ADCY10: variants seen among roughly 807,000 people sequenced by gnomAD.
The protein encoded by ADCY10 is adenylate cyclase 10.
A neutral mutation model predicts 183.3 loss-of-function variants in ADCY10; 156 were observed. The ratio of observed to expected loss-of-function variants is 0.85; its 90% confidence interval spans 0.75 to 0.97. The LOEUF is 0.97. Among genes scored for constraint, ADCY10 ranks in the 50% least tolerant of loss-of-function variants. The pLI is 0.00. For missense variants in ADCY10, 1,745 were observed against 1,934.3 expected, an observed-to-expected ratio of 0.90 and a Z score of 1.84; for synonymous variants, 645 against 670.0, an observed-to-expected ratio of 0.96 and a Z score of 0.58.
intron 7 of ADCY10, among the ~76,000 whole-genome samples, chr1:167,896,173 T>G (rs1235757992): frequency 6.6e-6 from 1 of 152,052 alleles, no homozygotes; most frequent in Non-Finnish European, 1.5e-5. Context: ...GAAGAGCAGG[T>G]GAGCACAGAC....
rs748872658 is a variant in ADCY10 at position 167,893,695 on chromosome 1, C to CAA, written c.828+156_828+157dup. Among the ~76,000 whole-genome samples, 277 of 70,052 alleles carry CAA rather than the reference C, an allele frequency of 4.0e-3. 5 individuals are homozygous for CAA. In the East Asian group the frequency reaches 0.042, roughly 11 times the overall value. 46.0% of individuals were successfully genotyped at this position (70,052 alleles called of 152,430 possible). On this transcript the variant is annotated intron_variant, in intron 8 of 32. Transcript: ENST00000367851. ...TGGGTGACAGAGTGAGACTCTGTCT[C>CAA]AAAAAAAAAAAAAAAAAAAAAAAAG... is the stretch of plus-strand genomic sequence containing the variant.
intron 14 of ADCY10, among the ~76,000 whole-genome samples, chr1:167,866,427 A>G (rs1004387189): frequency 2.7e-5 from 4 of 150,324 alleles, no homozygotes; most frequent in African/African-American, 9.8e-5. Flanking sequence ...AATTATATCT[A>G]TTACAAACAA....
chr1:167,813,680 A>G (rs1162792560), intron 31 of ADCY10, among the ~76,000 whole-genome samples: 1 of 152,222 alleles, frequency 6.6e-6, no homozygotes, highest in African/African-American at 2.4e-5. Context: ...TTTGTTTTCT[A>G]CGTTTTTAAG....
intron 14 of ADCY10, among the ~76,000 whole-genome samples, chr1:167,861,401 C>T (rs1666279303): frequency 1.3e-5 from 2 of 152,234 alleles, no homozygotes; most frequent in Admixed American, 6.5e-5. Context: ...CTTTATGTGA[C>T]ACACAAGACT....
At chr1:167,840,881 G>A (rs1571270343) in intron 21 of ADCY10, among the ~76,000 whole-genome samples, 1 of 151,920 alleles carries the variant, frequency 6.6e-6, no homozygotes, top group Admixed American at 6.6e-5. Flanking sequence ...TACCTCTTGG[G>A]TTTATCTTCT....
intron 5 of ADCY10, among the ~76,000 whole-genome samples, chr1:167,900,091 C>T (rs111847359): frequency 4.6e-5 from 7 of 152,362 alleles, no homozygotes; most frequent in African/African-American, 1.7e-4. Flanking sequence ...CCCATCCCAA[C>T]AACCATTTCT....
At chr1:167,865,864 C>T (rs1049606122) in intron 14 of ADCY10, among the ~76,000 whole-genome samples, 1 of 152,174 alleles carries the variant, frequency 6.6e-6, no homozygotes, top group Admixed American at 6.5e-5. Flanking sequence ...GTCCACCAGG[C>T]GTGGGCTGCA....
In ADCY10 at chr1:167,818,115, T is replaced by G. The variant is rs766593403; in HGVS notation, c.4439A>C (p.Glu1480Ala). 6.2e-7 allele frequency: 1 copy of G among 1,614,206 alleles called. No homozygotes were observed. The highest frequency in any genetic ancestry group is 1.3e-5 in the African/African-American group (1 of 75,060). ...ACTGGCTTGGGCATTCTCTGACTGT[T>G]CTTTGATTTGTTTTTGAAGGTGAAG... ...QVLHLQKQIK[E>A]QSENAQASGE... The change falls in exon 31 of 33, where the codon GAA becomes GCA. Residue 1480 changes from glutamate to alanine, a missense_variant. Glu to Ala is a moderately radical substitution (Grantham distance 107, BLOSUM62 -1). Transcript: ENST00000367851.
At chr1:167,825,937 T>C (rs1360668358) in intron 26 of ADCY10, among the ~76,000 whole-genome samples, 1 of 152,194 alleles carries the variant, frequency 6.6e-6, no homozygotes, top group Non-Finnish European at 1.5e-5. Flanking sequence ...GCAGTTTTAT[T>C]ATATATACAA....
intron 31 of ADCY10, among the ~76,000 whole-genome samples, chr1:167,817,837 GCA>G (rs1429028905): frequency 1.3e-5 from 2 of 152,140 alleles, no homozygotes; most frequent in Admixed American, 1.3e-4. Context: ...AAATGTGCAT[GCA>G]CACACACAGA....
intron 21 of ADCY10, among the ~76,000 whole-genome samples, chr1:167,842,954 C>A (rs577220661): frequency 6.6e-6 from 1 of 152,218 alleles, no homozygotes; most frequent in South Asian, 2.1e-4. Context: ...GTGGGACGGT[C>A]GGCCATGGGA....
intron 6 of ADCY10, among the ~76,000 whole-genome samples, chr1:167,898,739 G>C (rs1230346920): frequency 6.6e-6 from 1 of 152,152 alleles, no homozygotes; most frequent in African/African-American, 2.4e-5. Flanking sequence ...TGATGCATGA[G>C]TGTGGGAGTG....
Position 167,901,768 on chromosome 1 carries a change from C to A in ADCY10, c.330G>T (p.Lys110Asn). 1 of 1,614,184 alleles carries A rather than the reference C, an allele frequency of 6.2e-7. No homozygotes were observed. Reference sequence around the variant, plus strand: ...CCACTGTGATAATGTTTTTCAGCTGCTTTCGCTCCACCCTCCACAGGGCTA... The same window carrying A: ...CCACTGTGATAATGTTTTTCAGCTGATTTCGCTCCACCCTCCACAGGGCTA... ...ALLALWRVERKQLKNIITVVI... is the reference protein window; with the variant it reads ...ALLALWRVERNQLKNIITVVI... Residue 110 changes from lysine (K) to asparagine (N), a missense_variant, in exon 5 of 33, where the codon AAG (lysine) becomes AAT (asparagine). Coordinates refer to ENST00000367851, the MANE Select transcript of ADCY10 (RefSeq NM_018417.6).
intron 17 of ADCY10, 74 bp from the exon 18 acceptor site, chr1:167,854,563 C>T: frequency 6.5e-7 from 1 of 1,526,916 alleles, no homozygotes; most frequent in East Asian, 2.3e-5. Flanking sequence ...TAAGTCTTCT[C>T]AATCACTTGA....
At position 167,845,675 on chromosome 1, in the gene ADCY10, G is replaced by T. The variant is rs150156383; in HGVS notation, c.2895C>A (p.Asp965Glu). The T allele has an allele frequency of 2.7e-3, 4,309 of 1,614,256 alleles. 10 individuals are homozygous for T. Among genetic ancestry groups the T allele is most frequent in the Non-Finnish European group, 3.3e-3 (3,932 of 1,180,052 alleles). ...RFLEEDAHRC[D>E]HCRGRDFIPY... is the part of the protein sequence containing the mutation. ...GAATGAAGTCCCTGCCTCGGCAGTG[G>T]TCACATCTGTGGGCATCTTCTTCTA... is the stretch of plus-strand genomic sequence containing the variant. The change falls in exon 21 of 33, where the codon GAC becomes GAA. Residue 965 changes from aspartate to glutamate, a missense_variant. Transcript: ENST00000367851.
chr1:167,901,669 G>T lies in ADCY10; in HGVS notation c.429C>A (p.Val143=). 1.9e-6 allele frequency: 3 copies of T among 1,614,040 alleles called. No individual in the cohort carries two copies. The highest frequency in any genetic ancestry group is 1.1e-5 in the South Asian group (1 of 91,076). The change falls in exon 5 of 33, where the codon GTC becomes GTA. Residue 143 remains valine, a synonymous_variant. Coordinates refer to ENST00000367851, the MANE Select transcript of ADCY10 (RefSeq NM_018417.6). ...TCCTTCTCAAATGCTTACCTATCTT[G>T]ACTCGGATGTCTAGGCCTTCTTCCC... ...QEWEEGLDIR[V]KIGLAAGHIS...
chr1:167,848,649 GT>G (rs1412939732), intron 18 of ADCY10, among the ~76,000 whole-genome samples, 160 bp from the exon 19 acceptor site: 1 of 151,484 alleles, frequency 6.6e-6, no homozygotes, highest in Non-Finnish European at 1.5e-5. Context: ...GTTTTGTTTT[GT>G]TTTGTTTTTT....
intron 5 of ADCY10, among the ~76,000 whole-genome samples, chr1:167,901,373 A>G (rs1280278679): frequency 6.6e-6 from 1 of 152,230 alleles, no homozygotes; most frequent in Admixed American, 6.5e-5. Context: ...TAACAGCAGT[A>G]GCAGTCATAA....
chr1:167,835,329 T>C (rs1480340739), intron 23 of ADCY10, among the ~76,000 whole-genome samples: 18 of 152,230 alleles, frequency 1.2e-4, no homozygotes, highest in African/African-American at 4.3e-4. Flanking sequence ...TATCTCAGCA[T>C]ATCAAAGGCC....
Sources: gnomAD v4.1 joint callset for allele counts (sites outside exome capture counted in the v4.1 genomes callset) on GRCh38, gnomAD v4.1.1 for gene constraint, MANE v1.5 for transcripts, NCBI Gene and HGNC (gene_info 2026-07-23, HGNC 2026-07-21) for gene names.